KCND2: variants seen among roughly 807,000 people sequenced by gnomAD.
The protein encoded by KCND2 is A-type voltage-gated potassium channel KCND2.
KCND2 carries 16 observed loss-of-function variants against 54.4 expected under a neutral mutation model. That is an observed-to-expected ratio of 0.29 (90% CI 0.20 to 0.45). The LOEUF is 0.45. KCND2 is among the 20% of genes least tolerant of loss of function. KCND2 has a pLI of 1.00. For missense variants in KCND2, 486 were observed against 824.2 expected, an observed-to-expected ratio of 0.59 and a Z score of 5.02; for synonymous variants, 317 against 310.7, an observed-to-expected ratio of 1.02 and a Z score of -0.21.
chr7:120,508,963 A>C (rs1803072115), intron 1 of KCND2, among the ~76,000 whole-genome samples: 1 of 149,646 alleles, frequency 6.7e-6, no homozygotes, highest in Admixed American at 6.7e-5. Context: ...CAGCTGCACC[A>C]TTTCCAGAGA....
intron 1 of KCND2, among the ~76,000 whole-genome samples, chr7:120,472,598 T>C: frequency 6.6e-6 from 1 of 152,242 alleles, no homozygotes; most frequent in African/African-American, 2.4e-5. Context: ...TTTTTGTTTG[T>C]TTGCTAACAT....
At chr7:120,323,340 C>A (rs1194860343) in intron 1 of KCND2, among the ~76,000 whole-genome samples, 1 of 152,004 alleles carries the variant, frequency 6.6e-6, no homozygotes, top group Non-Finnish European at 1.5e-5. Flanking sequence ...GGTACATGAG[C>A]ACAACGTGCA....
At chr7:120,477,084 G>A (rs867040140) in intron 1 of KCND2, among the ~76,000 whole-genome samples, 33 of 152,292 alleles carry the variant, frequency 2.2e-4, no homozygotes, top group African/African-American at 7.5e-4. Context: ...ATGTAAAAGA[G>A]CAGTGACAGA....
chr7:120,671,373 A>G (rs1366935980), intron 1 of KCND2, among the ~76,000 whole-genome samples: 1 of 152,034 alleles, frequency 6.6e-6, no homozygotes, highest in Admixed American at 6.6e-5. Context: ...CTCAGGCAGT[A>G]ATGCTCATAC....
rs900532674 is a variant in KCND2 at position 120,462,053 on chromosome 7, A to G, written c.1115+186306A>G. Among the ~76,000 whole-genome samples the G allele has an allele frequency of 1.1e-4, 16 of 152,248 alleles. No homozygotes were observed. The East Asian group carries it at 3.1e-3, about 29-fold the overall frequency. On this transcript the variant is annotated intron_variant, in intron 1 of 5. Coordinates refer to ENST00000331113, the MANE Select transcript of KCND2 (RefSeq NM_012281.3). Reference sequence around the variant, plus strand: ...CCTCTTACAATGCCATGGGATGTGTAAGAAGTGCTAACAGGTTTTTAGTAT... The same window carrying G: ...CCTCTTACAATGCCATGGGATGTGTGAGAAGTGCTAACAGGTTTTTAGTAT...
chr7:120,678,612 CAT>C (rs1252222851), intron 1 of KCND2, among the ~76,000 whole-genome samples: 5 of 147,362 alleles, frequency 3.4e-5, no homozygotes, highest in African/African-American at 1.2e-4. Flanking sequence ...CACATACACA[CAT>C]ATATACACAT....
intron 1 of KCND2, among the ~76,000 whole-genome samples, chr7:120,727,634 G>A (rs1229278530): frequency 6.6e-6 from 1 of 152,014 alleles, no homozygotes; most frequent in African/African-American, 2.4e-5. Context: ...CAGTATTTTT[G>A]GGAAGTACGC....
At chr7:120,743,935 G>C (rs1252421458) in intron 4 of KCND2, among the ~76,000 whole-genome samples, 3 of 152,122 alleles carry the variant, frequency 2.0e-5, no homozygotes, top group Non-Finnish European at 4.4e-5. Context: ...TAACCTAGTA[G>C]GATAAATTTG....
intron 1 of KCND2, among the ~76,000 whole-genome samples, chr7:120,361,441 A>G (rs62470548): frequency 0.11 from 16,122 of 151,812 alleles, 884 homozygotes; most frequent in Admixed American, 0.13. Context: ...GAAATAAAAC[A>G]TAAGTCAATT....
chr7:120,697,821 A>G (rs1273468870), intron 1 of KCND2, among the ~76,000 whole-genome samples: 3 of 152,236 alleles, frequency 2.0e-5, no homozygotes, highest in Non-Finnish European at 2.9e-5. Flanking sequence ...AACATTATGT[A>G]TCAAGTGGTG....
intron 2 of KCND2, among the ~76,000 whole-genome samples, chr7:120,740,668 G>T (rs1792928687): frequency 6.6e-6 from 1 of 152,094 alleles, no homozygotes; most frequent in African/African-American, 2.4e-5. Flanking sequence ...GGATCTAACT[G>T]TAACTTAAAG....
At chr7:120,551,151 A>G (rs534161322) in intron 1 of KCND2, among the ~76,000 whole-genome samples, 7 of 152,344 alleles carry the variant, frequency 4.6e-5, no homozygotes, top group Non-Finnish European at 7.4e-5. Flanking sequence ...TCTCTGGGGA[A>G]TAAAGGGAAT....
chr7:120,378,208 A>G (rs1016734535), intron 1 of KCND2, among the ~76,000 whole-genome samples: 2 of 151,950 alleles, frequency 1.3e-5, no homozygotes, highest in African/African-American at 2.4e-5. Flanking sequence ...TTCTATATGC[A>G]ATGGTTTAAA....
Position 120,745,803 on chromosome 7 carries a change from A to G in KCND2, c.1491A>G (p.Gln497=), listed in dbSNP as rs1221786955. The change falls in exon 5 of 6, where the codon CAA becomes CAG. Residue 497 remains glutamine, a synonymous_variant. Transcript: ENST00000331113. ...KTTNHEFVDE[Q]VFEESCMEVA... The stretch of plus-strand genomic sequence containing the variant: ...AGAATCACGAGTTTGTGGACGAACA[A>G]GTCTTTGAAGAAAGCTGCATGGAAG... 2.5e-6 allele frequency: 4 copies of G among 1,613,772 alleles called. No homozygotes were observed. In the African/African-American group the frequency reaches 4.0e-5, roughly 16 times the overall value.
At chr7:120,549,195 A>G (rs1186399269) in intron 1 of KCND2, among the ~76,000 whole-genome samples, 2 of 152,100 alleles carry the variant, frequency 1.3e-5, no homozygotes, top group South Asian at 4.1e-4. Flanking sequence ...TGAAAGGAAG[A>G]CACATTCAAA....
At chr7:120,708,826 T>C (rs1792502172) in intron 1 of KCND2, among the ~76,000 whole-genome samples, 1 of 152,104 alleles carries the variant, frequency 6.6e-6, no homozygotes, top group Non-Finnish European at 1.5e-5. Context: ...TATGCACTAA[T>C]TTTTTTGTTT....
At chr7:120,578,357 A>ATT (rs1792466994) in intron 1 of KCND2, among the ~76,000 whole-genome samples, 1 of 152,112 alleles carries the variant, frequency 6.6e-6, no homozygotes, top group Non-Finnish European at 1.5e-5. Context: ...TTCCAGAGCA[A>ATT]AGAAACCCCA....
intron 1 of KCND2, among the ~76,000 whole-genome samples, chr7:120,397,164 C>A (rs1217845553): frequency 1.3e-5 from 2 of 151,982 alleles, no homozygotes; most frequent in African/African-American, 4.8e-5. Flanking sequence ...TATGGACCAG[C>A]CAATATGATT....
chr7:120,711,973 A>C (rs1792543314), intron 1 of KCND2, among the ~76,000 whole-genome samples: 1 of 152,076 alleles, frequency 6.6e-6, no homozygotes, highest in African/African-American at 2.4e-5. Context: ...ATTTAAAGCA[A>C]AATTAAGGTG....
Sources: gnomAD v4.1 joint callset for allele counts (sites outside exome capture counted in the v4.1 genomes callset) on GRCh38, gnomAD v4.1.1 for gene constraint, MANE v1.5 for transcripts, NCBI Gene and HGNC (gene_info 2026-07-23, HGNC 2026-07-21) for gene names.